GABRB2: variants seen among roughly 807,000 people sequenced by gnomAD.
GABRB2 encodes gamma-aminobutyric acid receptor subunit beta-2.
Under a neutral mutation model 54.7 loss-of-function variants are expected in GABRB2, and 16 were observed. That is an observed-to-expected ratio of 0.29 (90% CI 0.20 to 0.44). The LOEUF is 0.44. Ranked by LOEUF, GABRB2 falls within the 20% of genes least tolerant of loss-of-function variation. The pLI, the probability that GABRB2 is intolerant of heterozygous loss-of-function variation, is 1.00. For missense variants in GABRB2, 355 were observed against 644.0 expected (o/e 0.55, Z 4.86); for synonymous variants, 244 against 233.8 (o/e 1.04, Z -0.40).
chr5:161,484,696 A>G (rs1048394813), intron 3 of GABRB2, among the ~76,000 whole-genome samples: 2 of 152,042 alleles, frequency 1.3e-5, no homozygotes, highest in Non-Finnish European at 2.9e-5. Flanking sequence ...TACATATACA[A>G]TGAATTCAAT....
At chr5:161,328,249 G>A (rs972554479) in intron 8 of GABRB2, among the ~76,000 whole-genome samples, 15 of 152,186 alleles carry the variant, frequency 9.9e-5, no homozygotes, top group Admixed American at 2.0e-4. Context: ...CCACATGGTA[G>A]AGCATATAGA....
At chr5:161,500,455 T>C (rs1759397261) in intron 3 of GABRB2, among the ~76,000 whole-genome samples, 1 of 152,184 alleles carries the variant, frequency 6.6e-6, no homozygotes, top group Non-Finnish European at 1.5e-5. Flanking sequence ...GGATAAAATG[T>C]ATATTAAGTG....
chr5:161,295,528 GA>G (rs1289897606), intron 9 of GABRB2, among the ~76,000 whole-genome samples: 1 of 151,990 alleles, frequency 6.6e-6, no homozygotes, highest in Non-Finnish European at 1.5e-5. Context: ...AAATTATAAG[GA>G]AAAAAGATGG....
intron 4 of GABRB2, among the ~76,000 whole-genome samples, chr5:161,427,306 A>G (rs555077151): frequency 5.4e-4 from 82 of 152,310 alleles, no homozygotes; most frequent in African/African-American, 1.9e-3. Context: ...GGAAGCTTTG[A>G]CCATAAATTA....
At position 161,331,014 on chromosome 5, in the gene GABRB2, C is replaced by T. The variant is rs1554093884; in HGVS notation, c.946G>A (p.Val316Ile). ...DMYLMGCFVFVFMALLEYALV... is the reference protein window; with the variant it reads ...DMYLMGCFVFIFMALLEYALV... The stretch of plus-strand genomic sequence containing the variant: ...GCATATTCCAGAAGGGCCATGAAAA[C>T]GAAGACAAAGCACCCCATCAGGTAC... Residue 316 changes from valine to isoleucine, a missense_variant, in exon 8 of 10, where the codon GTT (valine) becomes ATT (isoleucine). Physicochemically the swap from Val to Ile is conservative, Grantham distance 29. This residue lies in a region of GABRB2 where 25 missense variants were observed against 137.4 expected (regional missense o/e 0.18). Transcript: ENST00000393959. The T allele has an allele frequency of 1.2e-6, 2 of 1,614,094 alleles. No homozygotes were observed. The highest frequency in any genetic ancestry group is 1.7e-6 in the Non-Finnish European group (2 of 1,180,012).
rs2910282 is a variant in GABRB2, at chr5:161,409,958, A to G, written c.541+1017T>C. Among the ~76,000 whole-genome samples, 681 of 152,264 alleles carry G rather than the reference A, an allele frequency of 4.5e-3. 3 individuals are homozygous for G. Among genetic ancestry groups the G allele is most frequent in the South Asian group, 8.1e-3 (39 of 4,828 alleles). On this transcript the variant is annotated intron_variant, in intron 5 of 9. Coordinates refer to ENST00000393959, the MANE Select transcript of GABRB2 (RefSeq NM_001371727.1). Reference sequence around the variant, plus strand: ...AATACATGTAATTTAATTACCCTGGAAGCTATCTTTTAAATTGGGCAAAAA... The same window carrying G: ...AATACATGTAATTTAATTACCCTGGGAGCTATCTTTTAAATTGGGCAAAAA...
intron 3 of GABRB2, among the ~76,000 whole-genome samples, chr5:161,480,463 C>A (rs1758729595): frequency 6.6e-6 from 1 of 151,862 alleles, no homozygotes; most frequent in Non-Finnish European, 1.5e-5. Flanking sequence ...CAAGGGGAGT[C>A]CTGCAGTCTC....
rs191452527 is a variant in GABRB2, at chr5:161,465,743, A to G, written c.238-5899T>C. 1.2e-4 allele frequency among the ~76,000 whole-genome samples: 19 copies of G among 152,250 alleles called. No individual in the cohort carries two copies. The East Asian group carries it at 2.5e-3, about 20-fold the overall frequency. ...TAGGATATTTAAATATACACAATACATACACACACATACATATACATCATA... is the reference window on the plus strand; with the variant it reads ...TAGGATATTTAAATATACACAATACGTACACACACATACATATACATCATA... On this transcript the variant is annotated intron_variant, in intron 3 of 9. Coordinates refer to ENST00000393959, the MANE Select transcript of GABRB2 (RefSeq NM_001371727.1).
chr5:161,394,780 C>T (rs750551690), intron 5 of GABRB2, among the ~76,000 whole-genome samples: 4 of 152,034 alleles, frequency 2.6e-5, no homozygotes, highest in Admixed American at 6.6e-5. Flanking sequence ...CATTCAAAAA[C>T]GAAGAAAATG....
chr5:161,531,677 A>G (rs537955378), intron 3 of GABRB2, among the ~76,000 whole-genome samples: 1 of 152,200 alleles, frequency 6.6e-6, no homozygotes, highest in East Asian at 1.9e-4. Context: ...AATATGCAGA[A>G]CAAAACCAAC....
chr5:161,516,727 C>T (rs1445372059), intron 3 of GABRB2, among the ~76,000 whole-genome samples: 1 of 152,104 alleles, frequency 6.6e-6, no homozygotes, highest in African/African-American at 2.4e-5. Flanking sequence ...TCACCAAATG[C>T]TCATACTGAG....
intron 3 of GABRB2, among the ~76,000 whole-genome samples, chr5:161,483,143 A>C (rs1162627282): frequency 6.6e-6 from 1 of 152,182 alleles, no homozygotes; most frequent in East Asian, 1.9e-4. Context: ...TGTAATGAGT[A>C]GGAACTAGTG....
At chr5:161,545,138 A>G in intron 3 of GABRB2, 89 bp downstream of exon 3, 2 of 936,228 alleles carry the variant, frequency 2.1e-6, no homozygotes, top group Non-Finnish European at 3.3e-6. Flanking sequence ...ATAGCCAAGC[A>G]CACCCCCACC....
chr5:161,375,561 T>A (rs1054224742), intron 5 of GABRB2, among the ~76,000 whole-genome samples: 2 of 152,166 alleles, frequency 1.3e-5, no homozygotes, highest in Non-Finnish European at 2.9e-5. Flanking sequence ...CATCCCATAA[T>A]TAAATAGCTT....
intron 3 of GABRB2, among the ~76,000 whole-genome samples, chr5:161,503,185 T>G (rs1271768545): frequency 6.6e-6 from 1 of 151,972 alleles, no homozygotes; most frequent in Non-Finnish European, 1.5e-5. Flanking sequence ...TAAAAGAGTT[T>G]TTATACATAT....
intron 3 of GABRB2, among the ~76,000 whole-genome samples, chr5:161,472,394 C>T (rs1435185078): frequency 6.6e-6 from 1 of 151,540 alleles, no homozygotes; most frequent in Non-Finnish European, 1.5e-5. Context: ...CTATTACCCT[C>T]CACCTTCCCT....
chr5:161,381,649 T>C (rs1032848479), intron 5 of GABRB2, among the ~76,000 whole-genome samples: 2 of 152,156 alleles, frequency 1.3e-5, no homozygotes, highest in African/African-American at 4.8e-5. Flanking sequence ...CTCTGCCACT[T>C]GGAGGCAGGT....
At chr5:161,539,799 G>A (rs1378022642) in intron 3 of GABRB2, among the ~76,000 whole-genome samples, 1 of 152,046 alleles carries the variant, frequency 6.6e-6, no homozygotes, top group Non-Finnish European at 1.5e-5. Context: ...AATTTTTTTG[G>A]TTTCTTAGTG....
intron 4 of GABRB2, among the ~76,000 whole-genome samples, chr5:161,433,745 C>A (rs928893287): frequency 2.0e-5 from 3 of 152,106 alleles, no homozygotes; most frequent in Non-Finnish European, 2.9e-5. Flanking sequence ...TTAAAATTGT[C>A]CCTAAAAATA....
Sources: gnomAD v4.1 joint callset for allele counts (sites outside exome capture counted in the v4.1 genomes callset) on GRCh38, gnomAD v4.1.1 for gene constraint, gnomAD v4.1.1 regional missense constraint, MANE v1.5 for transcripts, NCBI Gene and HGNC (gene_info 2026-07-23, HGNC 2026-07-21) for gene names.